AIDA: variants seen among roughly 807,000 people sequenced by gnomAD.
AIDA encodes axin interactor, dorsalization associated, also known as axin interactor, dorsalization-associated protein.
In AIDA, 18 loss-of-function variants were observed where a neutral mutation model predicts 42.7. The ratio of observed to expected loss-of-function variants is 0.42; its 90% CI spans 0.29 to 0.63. The LOEUF (loss-of-function observed/expected upper bound fraction) is 0.63. AIDA is among the 20% of genes least tolerant of loss of function. The pLI is 0.19. For synonymous variants in AIDA, 104 were observed against 122.9 expected (o/e 0.85, Z 1.02); for missense variants, 250 against 354.1 (o/e 0.71, Z 2.36).
chr1:222,707,057 G>C (rs1416280845), intron 1 of AIDA, among the ~76,000 whole-genome samples: 1 of 151,962 alleles, frequency 6.6e-6, no homozygotes, highest in Non-Finnish European at 1.5e-5. Flanking sequence ...AACGATGGTT[G>C]CACATCTTGG....
intron 5 of AIDA, 96 bp from the exon 6 acceptor site, chr1:222,687,132 T>C (rs969869775): frequency 6.5e-7 from 1 of 1,529,210 alleles, no homozygotes; most frequent in Non-Finnish European, 8.8e-7. Flanking sequence ...GATGCTGATA[T>C]AAAAAAATGC....
intron 6 of AIDA, among the ~76,000 whole-genome samples, chr1:222,681,654 C>A (rs1210586174): frequency 6.6e-6 from 1 of 152,008 alleles, no homozygotes; most frequent in Non-Finnish European, 1.5e-5. Context: ...CAGAGCGAGA[C>A]TGTCTCAAAA....
chr1:222,709,310 A>C (rs373011865), intron 1 of AIDA, among the ~76,000 whole-genome samples: 2 of 152,102 alleles, frequency 1.3e-5, no homozygotes, highest in East Asian at 1.9e-4. Context: ...GCGCGCCTGT[A>C]ATCTCAGCTA....
intron 7 of AIDA, among the ~76,000 whole-genome samples, chr1:222,674,705 G>C (rs559185288): frequency 3.2e-4 from 48 of 152,158 alleles, no homozygotes; most frequent in Non-Finnish European, 6.3e-4. Context: ...TAATTTCCTG[G>C]ACCCAGGAAT....
At chr1:222,691,963 C>A (rs1655385338) in intron 4 of AIDA, among the ~76,000 whole-genome samples, 1 of 152,024 alleles carries the variant, frequency 6.6e-6, no homozygotes, top group South Asian at 2.1e-4. Flanking sequence ...GGCATAATAA[C>A]CTTTCATTAT....
At position 222,686,920 on chromosome 1, in the gene AIDA, T is replaced by A; in HGVS notation, c.460+10A>T. On this transcript the variant is annotated intron_variant, in intron 6 of 9. Coordinates refer to ENST00000340020, the MANE Select transcript of AIDA (RefSeq NM_022831.4). ...TTAAATAATGTTTATTTTTAATAAG[T>A]GATACCTACCGGGAACTCTAGCAGG... 6.2e-7 allele frequency: 1 copy of A among 1,611,962 alleles called. No individual in the cohort carries two copies. The highest frequency in any genetic ancestry group is 8.5e-7 in the Non-Finnish European group (1 of 1,179,430).
chr1:222,711,960 TA>T (rs1317906732), intron 1 of AIDA: 4 of 488,854 alleles, frequency 8.2e-6, no homozygotes, highest in Non-Finnish European at 1.5e-5. Flanking sequence ...AAAGAAGGGC[TA>T]CCTGTTGAAT....
chr1:222,681,485 G>C (rs1054009964), intron 6 of AIDA, among the ~76,000 whole-genome samples: 1 of 152,090 alleles, frequency 6.6e-6, no homozygotes, highest in Admixed American at 6.6e-5. Context: ...CCAACATGGT[G>C]AAACTCTGCC....
intron 4 of AIDA, among the ~76,000 whole-genome samples, chr1:222,689,142 A>G: frequency 6.6e-6 from 1 of 151,968 alleles, no homozygotes; most frequent in East Asian, 1.9e-4. Flanking sequence ...GGACATAAAG[A>G]AAAAATATTA....
intron 1 of AIDA, among the ~76,000 whole-genome samples, chr1:222,706,883 A>T (rs1285072254): frequency 6.6e-6 from 1 of 150,840 alleles, no homozygotes; most frequent in Non-Finnish European, 1.5e-5. Context: ...AAAAGATCAC[A>T]TACTGCATGA....
At position 222,694,228 on chromosome 1, in the gene AIDA, C is replaced by T; in HGVS notation, c.216G>A (p.Leu72=). The T allele has an allele frequency of 6.2e-7, 1 of 1,611,924 alleles. No homozygotes were observed. The highest frequency in any genetic ancestry group is 8.5e-7 in the Non-Finnish European group (1 of 1,179,274). ...TIGKIATCLE[L]RSAALQSTQS... ...TCCTTACCTGTAAAGCTGCACTTCG[C>T]AATTCCAAGCATGTTGCAATTTTGC... The change falls in exon 3 of 10, where the codon TTG becomes TTA. Residue 72 remains leucine (L), a synonymous_variant. Transcript: ENST00000340020.
At chr1:222,673,566 G>C (rs1045103644) in intron 7 of AIDA, 131 bp from the exon 8 acceptor site, 4 of 553,920 alleles carry the variant, frequency 7.2e-6, no homozygotes, top group Non-Finnish European at 1.1e-5. Context: ...GACAAGGTCA[G>C]GAGATCAAGA....
chr1:222,687,370 G>A (rs142512745), intron 5 of AIDA, among the ~76,000 whole-genome samples: 1,728 of 152,266 alleles, frequency 0.011, 15 homozygotes, highest in South Asian at 0.022. Flanking sequence ...GGCGGAGGTT[G>A]CAGTGAGCCG....
intron 8 of AIDA, among the ~76,000 whole-genome samples, chr1:222,670,990 G>T (rs1484092468): frequency 6.6e-6 from 1 of 152,122 alleles, no homozygotes. Context: ...AGGCAGAGAT[G>T]GGCAGATCAC....
chr1:222,703,029 T>G (rs1655750113), intron 2 of AIDA, 119 bp downstream of exon 2: 5 of 684,450 alleles, frequency 7.3e-6, no homozygotes, highest in Non-Finnish European at 1.2e-5. Context: ...TCATTCTTTT[T>G]ACTTAAGTAT....
intron 1 of AIDA, among the ~76,000 whole-genome samples, chr1:222,709,569 CTT>C (rs141845500): frequency 0.014 from 2,127 of 152,182 alleles, 60 homozygotes; most frequent in African/African-American, 0.049. Flanking sequence ...GGACAAGAGA[CTT>C]TGCAATTTTA....
At chr1:222,670,425 C>T (rs1664425841) in intron 8 of AIDA, among the ~76,000 whole-genome samples, 175 bp from the exon 9 acceptor site, 1 of 152,204 alleles carries the variant, frequency 6.6e-6, no homozygotes, top group Non-Finnish European at 1.5e-5. Flanking sequence ...ACCCCGAACT[C>T]TTCTGTATCT....
chr1:222,704,098 A>G (rs142272230), intron 1 of AIDA, among the ~76,000 whole-genome samples: 3 of 152,308 alleles, frequency 2.0e-5, no homozygotes, highest in African/African-American at 4.8e-5. Flanking sequence ...ATGAGCTATC[A>G]CTTCATACCC....
chr1:222,671,759 GCTTCT>G (rs1170345004), intron 8 of AIDA, among the ~76,000 whole-genome samples: 3 of 152,154 alleles, frequency 2.0e-5, no homozygotes, highest in Non-Finnish European at 4.4e-5. Flanking sequence ...ACAAATGGTG[GCTTCT>G]CTTCTCCCTC....
Sources: allele counts gnomAD v4.1 joint callset (sites outside exome capture counted in the v4.1 genomes callset), GRCh38; gene constraint gnomAD v4.1.1; transcripts MANE v1.5; gene names NCBI Gene and HGNC (gene_info 2026-07-23, HGNC 2026-07-21).